MGAM: variants seen among roughly 807,000 people sequenced by gnomAD.
The protein encoded by MGAM is alpha-1,4-glucosidase.
In MGAM, 253 loss-of-function variants were observed where a neutral mutation model predicts 358.8. The observed-to-expected ratio is 0.71, with a 90% CI of 0.64 to 0.78. The LOEUF (loss-of-function observed/expected upper bound fraction) is 0.78, where lower values mean the gene tolerates loss of function less well. MGAM is among the 30% of genes least tolerant of loss of function. MGAM has a pLI of 0.00. For missense variants in MGAM, 3,080 were observed against 3,432.6 expected (o/e 0.90, Z 2.57); for synonymous variants, 1,105 against 1,227.1 (o/e 0.90, Z 2.08).
chr7:142,023,324 G>A (rs10276356), intron 7 of MGAM, among the ~76,000 whole-genome samples: 1 of 151,824 alleles, frequency 6.6e-6, no homozygotes, highest in Admixed American at 6.6e-5. Flanking sequence ...TTGGTCTCCC[G>A]TAAGTGCTGG....
Position 142,090,445 on chromosome 7 carries a change from A to G in MGAM, c.6811-1468A>G, listed in dbSNP as rs142047596. 1.6e-3 allele frequency among the ~76,000 whole-genome samples: 226 copies of G among 145,328 alleles called. 8 individuals carry two copies. Among genetic ancestry groups the G allele is most frequent in the African/African-American group, 5.3e-3 (219 of 41,006 alleles). On this transcript the variant is annotated intron_variant, in intron 57 of 70. Coordinates refer to ENST00000475668, the MANE Select transcript of MGAM (RefSeq NM_001365693.1). The stretch of plus-strand genomic sequence containing the variant: ...CTCTTTGTCAGGTTTCCTAGCTTCT[A>G]CCTCCATTTCCTAACAAAAGGCATC...
At chr7:142,022,199 T>G in intron 6 of MGAM, 69 bp from the exon 7 acceptor site, 1 of 1,446,360 alleles carries the variant, frequency 6.9e-7, no homozygotes, top group East Asian at 2.4e-5. Flanking sequence ...TAAAGGACGC[T>G]TTTCTAAGCA....
intron 21 of MGAM, among the ~76,000 whole-genome samples, chr7:142,044,324 A>G (rs1267831262): frequency 7.1e-6 from 1 of 140,698 alleles, no homozygotes; most frequent in South Asian, 2.1e-4. Context: ...CACATACGAT[A>G]TATAATATAT....
Position 142,064,579 on chromosome 7 carries a change from G to A in MGAM, c.4484+57G>A, listed in dbSNP as rs1812544967. ...CAACCTATAGCGATTGCCAGTGACT[G>A]ACATAGCTACCCTAGTTTTCCTTTC... On this transcript the variant is annotated intron_variant, in intron 37 of 70. Coordinates refer to ENST00000475668, the MANE Select transcript of MGAM (RefSeq NM_001365693.1). 13 of 1,541,930 alleles carry A rather than the reference G, an allele frequency of 8.4e-6. No homozygotes were observed. In the South Asian group the frequency reaches 1.3e-4, roughly 16 times the overall value.
chr7:142,009,269 C>T (rs1465071113), intron 3 of MGAM, among the ~76,000 whole-genome samples: 2 of 152,108 alleles, frequency 1.3e-5, no homozygotes, highest in African/African-American at 4.8e-5. Context: ...TTTACCTTAG[C>T]CCAGTGTTTC....
intron 8 of MGAM, among the ~76,000 whole-genome samples, chr7:142,026,191 A>G (rs1156718660): frequency 6.6e-6 from 1 of 151,510 alleles, no homozygotes; most frequent in African/African-American, 2.4e-5. Context: ...TTTATGATAC[A>G]ATTTCTGACT....
intron 13 of MGAM, among the ~76,000 whole-genome samples, chr7:142,032,259 C>T (rs1554464067): frequency 6.6e-6 from 1 of 151,914 alleles, no homozygotes; most frequent in African/African-American, 2.4e-5. Flanking sequence ...AGAAAGTAAC[C>T]TAACTGAGGG....
chr7:142,081,692 C>T (rs1292385010), intron 50 of MGAM, among the ~76,000 whole-genome samples: 5 of 145,428 alleles, frequency 3.4e-5, no homozygotes, highest in Admixed American at 6.9e-5. Context: ...GTGAGATCCT[C>T]GTAGGAATAT....
At position 142,068,655 on chromosome 7, in the gene MGAM, A is replaced by C. The variant is rs1336728552; in HGVS notation, c.5013A>C (p.Arg1671Ser). 9 of 1,539,502 alleles carry C rather than the reference A, an allele frequency of 5.8e-6. 1 individual carries two copies. The highest frequency in any genetic ancestry group is 1.3e-5 in the African/African-American group (1 of 74,486). Residue 1671 changes from arginine to serine, a missense_variant, in exon 43 of 71, where the codon AGA (arginine) becomes AGC (serine). Coordinates refer to ENST00000475668, the MANE Select transcript of MGAM (RefSeq NM_001365693.1). ...LVSPVLERNA[R>S]NVTAYFPRAR... ...TTTGTGTTTCATTTTAGAATGCCAG[A>C]AATGTCACTGCATATTTCCCTAGAG...
At chr7:142,005,692 GT>G (rs1563104158) in intron 2 of MGAM, 35 bp downstream of exon 2, 1 of 1,578,948 alleles carries the variant, frequency 6.3e-7, no homozygotes. Context: ...TCCATATGTT[GT>G]TTTTATTAGA....
chr7:142,040,189 T>C lies in MGAM; in HGVS notation c.2373+18T>C, dbSNP rs756372324. The C allele has an allele frequency of 3.9e-5, 62 of 1,594,018 alleles. No individual in the cohort carries two copies. The Middle Eastern group carries it at 1.2e-3, about 30-fold the overall frequency. On this transcript the variant is annotated intron_variant, in intron 20 of 70. Coordinates refer to ENST00000475668, the MANE Select transcript of MGAM (RefSeq NM_001365693.1). Reference sequence around the variant, plus strand: ...ACGAGACTGTAAGTAGCTTTGACTTTTCTTCTACTCCTTAAGACTGTAGCT... The same window carrying C: ...ACGAGACTGTAAGTAGCTTTGACTTCTCTTCTACTCCTTAAGACTGTAGCT...
intron 57 of MGAM, among the ~76,000 whole-genome samples, chr7:142,090,362 C>G (rs1202072894): frequency 6.9e-6 from 1 of 145,440 alleles, no homozygotes; most frequent in Admixed American, 7.0e-5. Context: ...CATCCCCCAC[C>G]CATCCCGTCG....
chr7:142,072,881 T>C (rs1286368504), intron 44 of MGAM, among the ~76,000 whole-genome samples: 1 of 146,512 alleles, frequency 6.8e-6, no homozygotes, highest in East Asian at 2.0e-4. Context: ...ATTTGCCACA[T>C]GGAGATTCTA....
At chr7:142,078,219 CTATT>C in intron 47 of MGAM, 95 bp from the exon 48 acceptor site, 1 of 991,796 alleles carries the variant, frequency 1.0e-6, no homozygotes, top group South Asian at 1.9e-5. Context: ...GGACTGATGT[CTATT>C]TGTTTTTCCA....
chr7:142,095,182 C>G (rs1170657822), intron 63 of MGAM, among the ~76,000 whole-genome samples: 1 of 152,098 alleles, frequency 6.6e-6, no homozygotes, highest in East Asian at 1.9e-4. Context: ...CCAAGCTTGT[C>G]TCGAACTCGT....
chr7:142,034,484 C>T (rs1283793516), intron 15 of MGAM, 105 bp downstream of exon 15: 4 of 983,954 alleles, frequency 4.1e-6, no homozygotes, highest in Non-Finnish European at 6.0e-6. Flanking sequence ...TTTCTTAAGA[C>T]AAAACAAAGC....
At chr7:141,988,395 C>T (rs1217734557) in intron 2 of MGAM, among the ~76,000 whole-genome samples, 2 of 151,786 alleles carry the variant, frequency 1.3e-5, no homozygotes, top group Admixed American at 6.6e-5. Context: ...GACAGAGTCT[C>T]ACTCTGTCAC....
intron 26 of MGAM, among the ~76,000 whole-genome samples, chr7:142,053,721 G>A (rs1811237130): frequency 6.6e-6 from 1 of 152,146 alleles, no homozygotes; most frequent in Non-Finnish European, 1.5e-5. Context: ...TATTGACAGA[G>A]TAAGTGAAAG....
intron 45 of MGAM, among the ~76,000 whole-genome samples, chr7:142,075,656 T>TA (rs970038474): frequency 6.8e-6 from 1 of 146,198 alleles, no homozygotes; most frequent in Non-Finnish European, 1.5e-5. Context: ...AAGGAAGACA[T>TA]ACAAGTGGCT....
Sources: allele counts gnomAD v4.1 joint callset (sites outside exome capture counted in the v4.1 genomes callset), GRCh38; gene constraint gnomAD v4.1.1; transcripts MANE v1.5; gene names NCBI Gene and HGNC (gene_info 2026-07-23, HGNC 2026-07-21).